Variants in CDKAL1 observed in about 807,000 individuals in gnomAD.
CDKAL1 encodes CDKAL1 threonylcarbamoyladenosine tRNA methylthiotransferase.
Under a neutral mutation model 68.2 loss-of-function variants are expected in CDKAL1, and 32 were observed. The ratio of observed to expected loss-of-function variants is 0.47; its 90% CI spans 0.35 to 0.63. The LOEUF (loss-of-function observed/expected upper bound fraction) is 0.63, where lower values mean the gene tolerates loss of function less well. CDKAL1 is among the 30% of genes least tolerant of loss of function. The pLI is 0.00. For missense variants in CDKAL1, 606 were observed against 696.7 expected (o/e 0.87, Z 1.47); for synonymous variants, 234 against 244.3 (o/e 0.96, Z 0.39).
chr6:20,646,985 T>C (rs1158049635), intron 4 of CDKAL1, among the ~76,000 whole-genome samples: 1 of 152,160 alleles, frequency 6.6e-6, no homozygotes, highest in Non-Finnish European at 1.5e-5. Context: ...CCTCAGGTGA[T>C]CCACCCGCCT....
chr6:21,219,249 A>G (rs12110862), intron 15 of CDKAL1, among the ~76,000 whole-genome samples: 3,757 of 152,322 alleles, frequency 0.025, 142 homozygotes, highest in African/African-American at 0.083. Flanking sequence ...ATAAAATGAC[A>G]TAGTTTTACA....
At chr6:20,544,727 C>CAA (rs762944897) in intron 2 of CDKAL1, among the ~76,000 whole-genome samples, 6 of 151,324 alleles carry the variant, frequency 4.0e-5, no homozygotes. Context: ...TCTATACCTA[C>CAA]AAAAAAATCT....
intron 9 of CDKAL1, among the ~76,000 whole-genome samples, chr6:20,938,518 G>A (rs1054836411): frequency 2.6e-5 from 4 of 152,092 alleles, no homozygotes; most frequent in African/African-American, 9.6e-5. Flanking sequence ...TAGACTGATG[G>A]TCTTCAAATG....
chr6:21,145,468 C>T (rs1284231708), intron 13 of CDKAL1, among the ~76,000 whole-genome samples: 1 of 152,160 alleles, frequency 6.6e-6, no homozygotes, highest in African/African-American at 2.4e-5. Context: ...GTCAAGTGCC[C>T]ATCTTCACAC....
At chr6:21,033,721 T>C (rs1454577676) in intron 11 of CDKAL1, among the ~76,000 whole-genome samples, 1 of 152,222 alleles carries the variant, frequency 6.6e-6, no homozygotes, top group African/African-American at 2.4e-5. Context: ...CGCTTCACTA[T>C]AGACGATGTG....
chr6:20,610,655 A>T lies in CDKAL1; in HGVS notation c.287-38638A>T, dbSNP rs116605306. On this transcript the variant is annotated intron_variant, in intron 4 of 15. Coordinates refer to ENST00000274695, the MANE Select transcript of CDKAL1 (RefSeq NM_017774.3). Reference sequence around the variant, plus strand: ...CCCTCACTTTCCCTCCTTTTCTCTTATTTTCCTTTCTGTAAGTAAATCTTA... The same window carrying T: ...CCCTCACTTTCCCTCCTTTTCTCTTTTTTTCCTTTCTGTAAGTAAATCTTA... 3.7e-3 allele frequency among the ~76,000 whole-genome samples: 565 copies of T among 152,052 alleles called. 4 individuals carry two copies. The highest frequency in any genetic ancestry group is 0.013 in the African/African-American group (544 of 41,466).
chr6:20,914,944 G>C (rs1316210081), intron 9 of CDKAL1, among the ~76,000 whole-genome samples: 1 of 152,040 alleles, frequency 6.6e-6, no homozygotes, highest in Non-Finnish European at 1.5e-5. Context: ...TTACTATGGT[G>C]GGTATAAGAT....
intron 7 of CDKAL1, among the ~76,000 whole-genome samples, chr6:20,768,231 C>T (rs1774784694): frequency 6.6e-6 from 1 of 152,124 alleles, no homozygotes; most frequent in Non-Finnish European, 1.5e-5. Flanking sequence ...ACTAACAATG[C>T]TATCTTTAAC....
At chr6:21,116,030 C>T (rs1479132499) in intron 13 of CDKAL1, among the ~76,000 whole-genome samples, 9 of 152,108 alleles carry the variant, frequency 5.9e-5, no homozygotes, top group Non-Finnish European at 2.9e-5. Context: ...TTTTAACCCT[C>T]GTCAGCTTGT....
chr6:21,178,501 TC>T (rs2151083590), intron 13 of CDKAL1, among the ~76,000 whole-genome samples: 1 of 152,358 alleles, frequency 6.6e-6, no homozygotes, highest in Admixed American at 6.5e-5. Context: ...GCATCATTTT[TC>T]TTAACATTTA....
At chr6:20,739,350 C>A (rs933068909) in intron 5 of CDKAL1, among the ~76,000 whole-genome samples, 169 bp from the exon 6 acceptor site, 5 of 152,142 alleles carry the variant, frequency 3.3e-5, no homozygotes, top group African/African-American at 1.2e-4. Flanking sequence ...GATAAATAGA[C>A]ATATTGTACA....
At chr6:20,959,589 A>G (rs1473781491) in intron 10 of CDKAL1, among the ~76,000 whole-genome samples, 4 of 147,316 alleles carry the variant, frequency 2.7e-5, no homozygotes, top group Non-Finnish European at 4.5e-5. Context: ...AAATGTTTAC[A>G]TTACCTTTTT....
At chr6:20,718,226 T>C (rs562777759) in intron 5 of CDKAL1, among the ~76,000 whole-genome samples, 7 of 152,338 alleles carry the variant, frequency 4.6e-5, no homozygotes, top group African/African-American at 1.4e-4. Context: ...CCCTGAACCA[T>C]ATTTTCCTCA....
chr6:21,020,487 G>A (rs1473801931), intron 11 of CDKAL1, among the ~76,000 whole-genome samples: 1 of 151,912 alleles, frequency 6.6e-6, no homozygotes, highest in African/African-American at 2.4e-5. Flanking sequence ...TTTATTTTGA[G>A]ATAGAGTTTC....
intron 10 of CDKAL1, among the ~76,000 whole-genome samples, chr6:20,960,346 A>G (rs1321924674): frequency 6.6e-6 from 1 of 152,238 alleles, no homozygotes; most frequent in Non-Finnish European, 1.5e-5. Flanking sequence ...GCTAAACCGC[A>G]TAGCCAGTTA....
At chr6:20,641,027 G>A (rs1331462250) in intron 4 of CDKAL1, among the ~76,000 whole-genome samples, 1 of 152,112 alleles carries the variant, frequency 6.6e-6, no homozygotes, top group Non-Finnish European at 1.5e-5. Context: ...TGTATATAAA[G>A]AAATAGTTTG....
chr6:20,613,655 A>G (rs1157216760), intron 4 of CDKAL1, among the ~76,000 whole-genome samples: 1 of 148,372 alleles, frequency 6.7e-6, no homozygotes, highest in Non-Finnish European at 1.5e-5. Context: ...TACAGTAAAT[A>G]TTTATATATT....
intron 13 of CDKAL1, among the ~76,000 whole-genome samples, chr6:21,115,381 GC>G (rs776636564): frequency 2.0e-5 from 3 of 152,148 alleles, no homozygotes; most frequent in Non-Finnish European, 4.4e-5. Flanking sequence ...TTGCCTGCTG[GC>G]CCTGTTGAGC....
At chr6:20,874,986 G>T (rs963176996) in intron 9 of CDKAL1, among the ~76,000 whole-genome samples, 2 of 151,776 alleles carry the variant, frequency 1.3e-5, no homozygotes, top group African/African-American at 4.8e-5. Flanking sequence ...TGGGAGGAGG[G>T]TTAAAGAGTT....
Sources: allele counts gnomAD v4.1 joint callset (sites outside exome capture counted in the v4.1 genomes callset), GRCh38; gene constraint gnomAD v4.1.1; transcripts MANE v1.5; gene names NCBI Gene and HGNC (gene_info 2026-07-23, HGNC 2026-07-21).